HEXB: variants seen among roughly 807,000 people sequenced by gnomAD.
HEXB encodes the protein hexosaminidase subunit beta, also known as beta-hexosaminidase subunit beta.
A neutral mutation model predicts 71.2 loss-of-function variants in HEXB; 51 were observed. That is an observed-to-expected ratio of 0.72 (90% confidence interval 0.57 to 0.90). The LOEUF is 0.90. Among genes scored for constraint, HEXB ranks in the 40% least tolerant of loss-of-function variants. HEXB has a pLI of 0.00. For synonymous variants in HEXB, 266 were observed against 249.3 expected, an observed-to-expected ratio of 1.07 and a Z score of -0.63; for missense variants, 617 against 677.0, an observed-to-expected ratio of 0.91 and a Z score of 0.98.
chr5:74,666,694 G>T (rs1158144801), intron 1 of HEXB, among the ~76,000 whole-genome samples: 1 of 152,156 alleles, frequency 6.6e-6, no homozygotes, highest in Non-Finnish European at 1.5e-5. Context: ...TAATTAGAAG[G>T]CACCTCACCA....
At chr5:74,665,473 A>G (rs771672341) in intron 1 of HEXB, among the ~76,000 whole-genome samples, 5 of 152,064 alleles carry the variant, frequency 3.3e-5, no homozygotes, top group Admixed American at 6.5e-5. Flanking sequence ...AGCCCCGTGG[A>G]CAGTGTTCTA....
chr5:74,689,459 C>G lies in HEXB; in HGVS notation c.431C>G (p.Ser144Cys). 6.2e-7 allele frequency: 1 copy of G among 1,613,542 alleles called. No homozygotes were observed. Among genetic ancestry groups the G allele is most frequent in the Non-Finnish European group, 8.5e-7 (1 of 1,179,474 alleles). ...QSECDAFPNI[S>C]SDESYTLLVK... ...GAGTGTGATGCTTTCCCCAACATAT[C>G]TTCAGATGAGTCTTGTAAGTACCTA... Residue 144 changes from serine to cysteine, a missense_variant, in exon 2 of 14, where the codon TCT (serine) becomes TGT (cysteine). By Grantham distance (112) the Ser-to-Cys change is moderately radical (BLOSUM62 -1). Transcript: ENST00000261416.
chr5:74,721,180 T>C lies in HEXB; in HGVS notation c.*5T>C. Reference sequence around the variant, plus strand: ...TGTAACCATGAGAACATGTAAAAAATGGAGGGGAAAAAGGCCACAGCAATC... The same window carrying C: ...TGTAACCATGAGAACATGTAAAAAACGGAGGGGAAAAAGGCCACAGCAATC... On this transcript the variant is annotated 3_prime_UTR_variant, in exon 14 of 14. Coordinates refer to ENST00000261416, the MANE Select transcript of HEXB (RefSeq NM_000521.4). 6.2e-7 allele frequency: 1 copy of C among 1,611,664 alleles called. No homozygotes were observed. The highest frequency in any genetic ancestry group is 8.5e-7 in the Non-Finnish European group (1 of 1,177,906).
At chr5:74,646,065 C>T (rs1200965472) in intron 1 of HEXB, among the ~76,000 whole-genome samples, 3 of 151,780 alleles carry the variant, frequency 2.0e-5, no homozygotes, top group Non-Finnish European at 4.4e-5. Flanking sequence ...GGCAATATCT[C>T]GGTGCCTTCA....
Position 74,696,719 on chromosome 5 carries a change from T to C in HEXB, c.538T>C (p.Tyr180His). 6.9e-7 allele frequency: 1 copy of C among 1,448,080 alleles called. No individual in the cohort carries two copies. The highest frequency in any genetic ancestry group is 9.7e-7 in the Non-Finnish European group (1 of 1,029,748). The allele number at this position is 1,448,080 out of a possible 1,614,324, so 89.7% of individuals were successfully genotyped here. Residue 180 changes from tyrosine to histidine, a missense_variant, in exon 4 of 14, where the codon TAT becomes CAT. Tyr to His is a moderately conservative substitution (Grantham distance 83). Transcript: ENST00000261416. ...TTTAGAGACCTTTAGCCAGTTAGTT[T>C]ATCAAGATTCTTATGGAACTGTAAG... ...RGLETFSQLV[Y>H]QDSYGTFTIN... is the part of the protein sequence containing the mutation.
At chr5:74,650,527 G>A (rs1383226356) in intron 1 of HEXB, among the ~76,000 whole-genome samples, 2 of 152,272 alleles carry the variant, frequency 1.3e-5, no homozygotes, top group Admixed American at 6.5e-5. Context: ...TGGAGAAGGG[G>A]GTTGGAGGTG....
intron 5 of HEXB, among the ~76,000 whole-genome samples, chr5:74,699,844 G>T (rs536921350): frequency 3.3e-5 from 5 of 151,890 alleles, no homozygotes; most frequent in African/African-American, 1.2e-4. Flanking sequence ...CATATGCTTG[G>T]CCAACAGTGT....
At chr5:74,686,706 T>G (rs1376059213) in intron 1 of HEXB, among the ~76,000 whole-genome samples, 1 of 152,218 alleles carries the variant, frequency 6.6e-6, no homozygotes, top group Non-Finnish European at 1.5e-5. Context: ...CACACACTAA[T>G]GAGCCTTTGG....
chr5:74,703,967 C>T (rs981401548), intron 5 of HEXB, among the ~76,000 whole-genome samples: 100 of 152,304 alleles, frequency 6.6e-4, no homozygotes, highest in Non-Finnish European at 1.2e-4. Flanking sequence ...ATGTGAGCCA[C>T]CGTGTCTGGC....
Position 74,652,925 on chromosome 5 carries a change from T to A in HEXB, c.-377+12367T>A, listed in dbSNP as rs973210141. 2.2e-4 allele frequency among the ~76,000 whole-genome samples: 33 copies of A among 152,226 alleles called. No homozygotes were observed. The highest frequency in any genetic ancestry group is 8.0e-4 in the African/African-American group (33 of 41,462). On this transcript the variant is annotated intron_variant, in intron 1 of 13. Transcript: ENST00000511181. This position sits in a 1 kb window ranked among gnomAD's most constrained non-coding sequence, Gnocchi z 5.4. ...CACATATCCCTTTATATACCAGTCA[T>A]TTTTAATGCCCTCTTTGCTTTACTG... is the stretch of plus-strand genomic sequence containing the variant.
At chr5:74,684,481 A>G (rs1440007222), upstream of HEXB, among the ~76,000 whole-genome samples, 1 of 152,210 alleles carries the variant, frequency 6.6e-6, no homozygotes, top group East Asian at 1.9e-4. Context: ...ACTTAGGAGC[A>G]AATAAACTCA....
intron 1 of HEXB, among the ~76,000 whole-genome samples, chr5:74,654,598 C>T (rs1291213478): frequency 6.6e-6 from 1 of 152,092 alleles, no homozygotes; most frequent in East Asian, 1.9e-4. Context: ...TGAGGGAAGG[C>T]TTTCAGGAGG....
At chr5:74,661,321 G>A (rs1159226573) in intron 1 of HEXB, among the ~76,000 whole-genome samples, 3 of 152,158 alleles carry the variant, frequency 2.0e-5, no homozygotes, top group African/African-American at 7.2e-5. Flanking sequence ...AAATGAAAAG[G>A]AAAATCAGGA....
intron 7 of HEXB, among the ~76,000 whole-genome samples, chr5:74,714,775 T>C (rs1749632936): frequency 6.6e-6 from 1 of 152,200 alleles, no homozygotes; most frequent in South Asian, 2.1e-4. Context: ...AATTGCTCAA[T>C]ATTATTAGAG....
chr5:74,642,397 G>T (rs1747916733), intron 1 of HEXB, among the ~76,000 whole-genome samples: 1 of 152,206 alleles, frequency 6.6e-6, no homozygotes, highest in Non-Finnish European at 1.5e-5. Flanking sequence ...CAGCACCCAG[G>T]TTCTGAAGCA....
intron 5 of HEXB, among the ~76,000 whole-genome samples, chr5:74,704,705 TACA>T (rs1749340569): frequency 6.6e-6 from 1 of 152,226 alleles, no homozygotes; most frequent in African/African-American, 2.4e-5. Context: ...CTAGAATAAA[TACA>T]ACATCTCCAG....
chr5:74,716,844 C>G (rs1195863181), intron 9 of HEXB, 171 bp downstream of exon 9: 4 of 519,990 alleles, frequency 7.7e-6, no homozygotes, highest in Non-Finnish European at 1.4e-5. Context: ...ATGGTGACTC[C>G]AAGTATTTTC....
intron 1 of HEXB, among the ~76,000 whole-genome samples, chr5:74,655,937 C>A (rs922301041): frequency 5.9e-5 from 9 of 152,000 alleles, no homozygotes; most frequent in Admixed American, 5.2e-4. Context: ...TGATGACAGT[C>A]ACATAAATAT....
At chr5:74,683,934 C>A (rs181051760), upstream of HEXB, among the ~76,000 whole-genome samples, 1,535 of 151,932 alleles carry the variant, frequency 0.01, 14 homozygotes, top group Non-Finnish European at 0.015. Context: ...GATTCTCCTG[C>A]CTCAGGCTCC....
Sources: gnomAD v4.1 joint callset for allele counts (sites outside exome capture counted in the v4.1 genomes callset) on GRCh38, gnomAD v4.1.1 for gene constraint, Gnocchi (gnomAD v3.1) non-coding constraint, MANE v1.5 for transcripts, NCBI Gene and HGNC (gene_info 2026-07-23, HGNC 2026-07-21) for gene names.